The following SRBD1 variants were observed in gnomAD, a reference collection of about 807,000 sequenced individuals.
The protein encoded by SRBD1 is S1 RNA-binding domain-containing protein 1.
SRBD1 carries 88 observed loss-of-function variants against 115.3 expected under a neutral mutation model. That is an observed-to-expected ratio of 0.76 (90% CI 0.64 to 0.91). The LOEUF is 0.91. Ranked by LOEUF, SRBD1 falls within the 40% of genes least tolerant of loss-of-function variation. SRBD1 has a pLI of 0.00. For synonymous variants in SRBD1, 509 were observed against 407.7 expected, an observed-to-expected ratio of 1.25 and a Z score of -2.99; for missense variants, 1,385 against 1,177.4, an observed-to-expected ratio of 1.18 and a Z score of -2.58.
At chr2:45,443,909 C>T (rs975845885) in intron 16 of SRBD1, among the ~76,000 whole-genome samples, 24 of 151,408 alleles carry the variant, frequency 1.6e-4, no homozygotes, top group Non-Finnish European at 2.6e-4. Context: ...TCAGACCAGG[C>T]GCTTAATCTT....
chr2:45,524,228 C>G (rs1330388458), intron 14 of SRBD1, among the ~76,000 whole-genome samples: 1 of 151,878 alleles, frequency 6.6e-6, no homozygotes, highest in East Asian at 1.9e-4. Flanking sequence ...GATGTTTCCC[C>G]TAAAACAGGA....
At chr2:45,449,527 T>C (rs1355096772) in intron 16 of SRBD1, among the ~76,000 whole-genome samples, 1 of 152,236 alleles carries the variant, frequency 6.6e-6, no homozygotes, top group Non-Finnish European at 1.5e-5. Flanking sequence ...ACCGATCCTC[T>C]GAAATCCTGG....
chr2:45,487,998 C>T (rs1347029458), intron 15 of SRBD1, among the ~76,000 whole-genome samples: 1 of 152,090 alleles, frequency 6.6e-6, no homozygotes, highest in Non-Finnish European at 1.5e-5. Context: ...TTGCTAAAGA[C>T]TTTGTGGGTT....
intron 16 of SRBD1, among the ~76,000 whole-genome samples, chr2:45,450,987 T>C (rs574574547): frequency 1.1e-4 from 16 of 152,132 alleles, no homozygotes; most frequent in Non-Finnish European, 2.2e-4. Flanking sequence ...ACACAAAAGA[T>C]GTTTGAACGG....
At chr2:45,561,438 A>G (rs186008236) in intron 10 of SRBD1, among the ~76,000 whole-genome samples, 20 of 152,378 alleles carry the variant, frequency 1.3e-4, no homozygotes, top group African/African-American at 4.6e-4. Flanking sequence ...ATGAATTAAC[A>G]AAACAGTTGT....
chr2:45,437,385 TC>T (rs1268195847), intron 16 of SRBD1, among the ~76,000 whole-genome samples: 1 of 134,652 alleles, frequency 7.4e-6, no homozygotes, highest in Non-Finnish European at 1.6e-5. Context: ...GACAAATAGA[TC>T]AATGGAATAG....
rs1295063562 is a variant in SRBD1, at chr2:45,413,306, AG to A, written c.2334-14del. 1 of 1,598,998 alleles carries A rather than the reference AG, an allele frequency of 6.3e-7. No homozygotes were observed. The highest frequency in any genetic ancestry group is 1.4e-5 in the African/African-American group (1 of 73,904). On this transcript the variant is annotated splice_polypyrimidine_tract_variant and intron_variant, in intron 18 of 20. Coordinates refer to ENST00000263736, the MANE Select transcript of SRBD1 (RefSeq NM_018079.5). The stretch of plus-strand genomic sequence containing the variant: ...TTCAGTTTGCTGACTATATAAAACC[AG>A]AAAAAACCACATTTATGAAAAGGGG...
intron 15 of SRBD1, among the ~76,000 whole-genome samples, chr2:45,479,275 C>G (rs1435481322): frequency 6.6e-6 from 1 of 152,154 alleles, no homozygotes; most frequent in Non-Finnish European, 1.5e-5. Context: ...AGTCGCACGT[C>G]TCTCACTTTA....
intron 10 of SRBD1, among the ~76,000 whole-genome samples, chr2:45,562,422 C>G (rs948080534): frequency 8.5e-5 from 13 of 152,104 alleles, no homozygotes; most frequent in Non-Finnish European, 1.6e-4. Flanking sequence ...TCAGTAGAGA[C>G]AGGGTTTCAC....
At chr2:45,602,906 C>T (rs561563983) in intron 2 of SRBD1, among the ~76,000 whole-genome samples, 1 of 152,270 alleles carries the variant, frequency 6.6e-6, no homozygotes, top group Non-Finnish European at 1.5e-5. Flanking sequence ...CTAAATTATG[C>T]TCTAGAAGAG....
intron 14 of SRBD1, among the ~76,000 whole-genome samples, chr2:45,522,056 C>T (rs775556523): frequency 1.3e-5 from 2 of 151,938 alleles, no homozygotes; most frequent in Non-Finnish European, 2.9e-5. Context: ...TTCATAGCAG[C>T]ACTATACACA....
intron 19 of SRBD1, among the ~76,000 whole-genome samples, chr2:45,407,124 G>C (rs1667459548): frequency 6.6e-6 from 1 of 152,106 alleles, no homozygotes; most frequent in Admixed American, 6.6e-5. Context: ...TTACCTATCA[G>C]AGACTCTGTA....
At chr2:45,508,559 T>C (rs1670866359) in intron 14 of SRBD1, among the ~76,000 whole-genome samples, 1 of 152,202 alleles carries the variant, frequency 6.6e-6, no homozygotes, top group East Asian at 1.9e-4. Flanking sequence ...CAACTACATG[T>C]GAAATTAGTA....
chr2:45,409,855 G>A (rs1275670952), intron 19 of SRBD1, among the ~76,000 whole-genome samples: 1 of 152,018 alleles, frequency 6.6e-6, no homozygotes, highest in Non-Finnish European at 1.5e-5. Context: ...AGAAATAAAA[G>A]ATGACCTAAA....
At chr2:45,487,396 A>G (rs1670153335) in intron 15 of SRBD1, among the ~76,000 whole-genome samples, 1 of 152,168 alleles carries the variant, frequency 6.6e-6, no homozygotes, top group Non-Finnish European at 1.5e-5. Flanking sequence ...TCCACATTAT[A>G]GAAATCAAAG....
chr2:45,470,246 T>C (rs923923491), intron 16 of SRBD1, among the ~76,000 whole-genome samples: 4 of 152,212 alleles, frequency 2.6e-5, no homozygotes, highest in African/African-American at 9.6e-5. Context: ...GATTTGTTTT[T>C]ACATAGAATT....
intron 16 of SRBD1, among the ~76,000 whole-genome samples, chr2:45,452,572 A>G (rs2103746733): frequency 6.6e-6 from 1 of 152,188 alleles, no homozygotes; most frequent in South Asian, 2.1e-4. Flanking sequence ...TAATTTGAAT[A>G]AATGAATTTG....
Position 45,562,658 on chromosome 2 carries a change from T to C in SRBD1, c.1404A>G (p.Gln468=). The C allele has an allele frequency of 1.2e-6, 2 of 1,603,412 alleles. No homozygotes were observed. Among genetic ancestry groups the C allele is most frequent in the Non-Finnish European group, 8.5e-7 (1 of 1,176,848 alleles). ...VKDEFCRWCI[Q]NRWRPRSFAR... is the part of the protein sequence containing the mutation. ...GTAAATATCTGTAAACAGACCTGTT[T>C]TGGATGCACCACCTACAGAATTCAT... The change falls in exon 10 of 21, where the codon CAA becomes CAG. Residue 468 remains glutamine (Q), a synonymous_variant. Transcript: ENST00000263736.
At position 45,476,981 on chromosome 2, in the gene SRBD1, A is replaced by C. The variant is rs1174374178; in HGVS notation, c.2049+12T>G. ...ATGGATTTCATAAATTAAATGATCC[A>C]CATAGCTTTACCTGATACATTCCAA... is the stretch of plus-strand genomic sequence containing the variant. On this transcript the variant is annotated intron_variant, in intron 16 of 20. Coordinates refer to ENST00000263736, the MANE Select transcript of SRBD1 (RefSeq NM_018079.5). 1.9e-6 allele frequency: 3 copies of C among 1,611,988 alleles called. No homozygotes were observed. Among genetic ancestry groups the C allele is most frequent in the Non-Finnish European group, 8.5e-7 (1 of 1,178,544 alleles).
Sources: gnomAD v4.1 joint callset for allele counts (sites outside exome capture counted in the v4.1 genomes callset) on GRCh38, gnomAD v4.1.1 for gene constraint, MANE v1.5 for transcripts, NCBI Gene and HGNC (gene_info 2026-07-23, HGNC 2026-07-21) for gene names.